RFX3: variants seen among roughly 807,000 people sequenced by gnomAD.
RFX3 encodes the protein transcription factor RFX3.
In RFX3, 14 loss-of-function variants were observed where a neutral mutation model predicts 98.6. The ratio of observed to expected loss-of-function variants is 0.14; its 90% CI spans 0.09 to 0.22. The LOEUF is 0.22. Among genes scored for constraint, RFX3 ranks in the 10% least tolerant of loss-of-function variants. The probability of loss-of-function intolerance (pLI) is 1.00; values close to 1 mark genes in which losing one functional copy is unlikely to be tolerated. For synonymous variants in RFX3, 383 were observed against 328.4 expected (o/e 1.17, Z -1.80); for missense variants, 639 against 926.9 (o/e 0.69, Z 4.03).
At chr9:3,290,662 A>C (rs1817802556) in intron 6 of RFX3, among the ~76,000 whole-genome samples, 1 of 152,228 alleles carries the variant, frequency 6.6e-6, no homozygotes, top group South Asian at 2.1e-4. Flanking sequence ...TCTTCAGTTT[A>C]AAATATACTA....
intron 3 of RFX3, among the ~76,000 whole-genome samples, chr9:3,340,955 A>G (rs200076462): frequency 7.9e-5 from 12 of 152,270 alleles, no homozygotes; most frequent in East Asian, 3.9e-4. Flanking sequence ...ACATGCACAC[A>G]TATGTTTATT....
intron 1 of RFX3, among the ~76,000 whole-genome samples, chr9:3,429,150 G>A (rs1048637086): frequency 1.3e-5 from 2 of 150,616 alleles, no homozygotes; most frequent in Non-Finnish European, 3.0e-5. Flanking sequence ...AGCCTCCCAA[G>A]TAGCTGGGAC....
At chr9:3,372,338 C>A (rs1485206182) in intron 2 of RFX3, among the ~76,000 whole-genome samples, 12 of 152,132 alleles carry the variant, frequency 7.9e-5, no homozygotes. Flanking sequence ...ACAGCTGTAT[C>A]TTATATAATA....
intron 11 of RFX3, 36 bp from the exon 12 acceptor site, chr9:3,266,341 G>C: frequency 7.5e-7 from 1 of 1,338,378 alleles, no homozygotes; most frequent in Non-Finnish European, 1.1e-6. Flanking sequence ...ATAAAAAAAA[G>C]TATGAAAGAA....
chr9:3,495,804 A>C (rs1301785084), intron 1 of RFX3, among the ~76,000 whole-genome samples: 1 of 152,096 alleles, frequency 6.6e-6, no homozygotes, highest in Non-Finnish European at 1.5e-5. Context: ...TGCCTAAACC[A>C]GTTTAATCAC....
chr9:3,482,588 T>TA (rs1285456060), intron 1 of RFX3, among the ~76,000 whole-genome samples: 1 of 152,230 alleles, frequency 6.6e-6, no homozygotes, highest in Non-Finnish European at 1.5e-5. Flanking sequence ...TTACGTTTAA[T>TA]ATAAAATATT....
At chr9:3,447,659 A>T (rs1474755766) in intron 1 of RFX3, among the ~76,000 whole-genome samples, 1 of 152,216 alleles carries the variant, frequency 6.6e-6, no homozygotes, top group African/African-American at 2.4e-5. Context: ...ATTTCAGTTC[A>T]TTCAAGATTT....
chr9:3,446,447 A>C (rs914047299), intron 1 of RFX3, among the ~76,000 whole-genome samples: 1 of 152,110 alleles, frequency 6.6e-6, no homozygotes, highest in Non-Finnish European at 1.5e-5. Context: ...GGAAACCAGG[A>C]GATCTGTGAA....
chr9:3,396,520 T>C (rs181137334), intron 1 of RFX3, among the ~76,000 whole-genome samples: 53 of 152,216 alleles, frequency 3.5e-4, no homozygotes, highest in Admixed American at 3.9e-4. Context: ...TGTGTCTTTA[T>C]AGCAGCATGA....
intron 3 of RFX3, among the ~76,000 whole-genome samples, chr9:3,340,847 G>T (rs572150235): frequency 6.6e-6 from 1 of 152,168 alleles, no homozygotes; most frequent in Non-Finnish European, 1.5e-5. Context: ...TCAGTGTGGC[G>T]ATTCCTCAGG....
intron 1 of RFX3, among the ~76,000 whole-genome samples, chr9:3,498,237 G>A (rs904621839): frequency 5.9e-5 from 9 of 152,040 alleles, no homozygotes; most frequent in South Asian, 2.1e-4. Flanking sequence ...TTTTACTGTC[G>A]CTGTAAAGGA....
chr9:3,406,015 C>G (rs1841936539), intron 1 of RFX3, among the ~76,000 whole-genome samples: 1 of 152,054 alleles, frequency 6.6e-6, no homozygotes, highest in African/African-American at 2.4e-5. Context: ...AGTGCAGTGG[C>G]ACAAACTTGG....
chr9:3,330,628 A>C, intron 3 of RFX3, 111 bp from the exon 4 acceptor site: 1 of 1,015,950 alleles, frequency 9.8e-7, no homozygotes. Context: ...CCTTTGCAAC[A>C]TGGCAAGTTT....
intron 1 of RFX3, among the ~76,000 whole-genome samples, chr9:3,423,535 A>G (rs1276283476): frequency 1.3e-5 from 2 of 152,206 alleles, no homozygotes; most frequent in Middle Eastern, 3.4e-3. Flanking sequence ...ACACAAGAGT[A>G]CATAATGCTT....
chr9:3,296,362 C>T (rs1414818458), intron 5 of RFX3, among the ~76,000 whole-genome samples: 3 of 151,848 alleles, frequency 2.0e-5, no homozygotes, highest in Non-Finnish European at 4.4e-5. Flanking sequence ...GAATAATTTA[C>T]AAGAAGTGAA....
intron 1 of RFX3, among the ~76,000 whole-genome samples, chr9:3,478,133 A>T (rs1849429111): frequency 6.6e-6 from 1 of 152,130 alleles, no homozygotes; most frequent in Non-Finnish European, 1.5e-5. Context: ...TCTAAAATCT[A>T]GGCTCCCACA....
At chr9:3,243,824 T>C (rs1185334270) in intron 15 of RFX3, among the ~76,000 whole-genome samples, 1 of 152,182 alleles carries the variant, frequency 6.6e-6, no homozygotes, top group Non-Finnish European at 1.5e-5. Flanking sequence ...CTTGAAATTG[T>C]TCCTACTCCA....
chr9:3,396,044 CTT>C (rs869233621), intron 1 of RFX3, among the ~76,000 whole-genome samples: 1 of 143,972 alleles, frequency 6.9e-6, no homozygotes, highest in Non-Finnish European at 1.5e-5. Context: ...TAAATCATTT[CTT>C]TTTTTTTTTT....
At chr9:3,327,808 A>G (rs748193983) in intron 4 of RFX3, among the ~76,000 whole-genome samples, 3 of 152,146 alleles carry the variant, frequency 2.0e-5, no homozygotes, top group Non-Finnish European at 4.4e-5. Context: ...AAAATCACAC[A>G]TCAAATTTGT....
Sources: allele counts gnomAD v4.1 joint callset (sites outside exome capture counted in the v4.1 genomes callset), GRCh38; gene constraint gnomAD v4.1.1; transcripts MANE v1.5; gene names NCBI Gene and HGNC (gene_info 2026-07-23, HGNC 2026-07-21).